PACSIN1: variants seen among roughly 807,000 people sequenced by gnomAD.
The protein encoded by PACSIN1 is protein kinase C and casein kinase substrate in neurons 1.
A neutral mutation model predicts 59.5 loss-of-function variants in PACSIN1; 15 were observed. That is an observed-to-expected ratio of 0.25 (90% CI 0.17 to 0.39). The LOEUF (loss-of-function observed/expected upper bound fraction) is 0.39, where lower values mean the gene tolerates loss of function less well. Among genes scored for constraint, PACSIN1 ranks in the 10% least tolerant of loss-of-function variants. PACSIN1 has a pLI of 1.00. For missense variants in PACSIN1, 420 were observed against 580.2 expected (o/e 0.72, Z 2.84); for synonymous variants, 210 against 220.6 (o/e 0.95, Z 0.42).
intron 1 of PACSIN1, among the ~76,000 whole-genome samples, chr6:34,522,450 T>A (rs1767410258): frequency 6.6e-6 from 1 of 152,184 alleles, no homozygotes; most frequent in South Asian, 2.1e-4. Context: ...GAGTGTGCGC[T>A]CTGGATCCAG....
intron 1 of PACSIN1, among the ~76,000 whole-genome samples, chr6:34,470,764 T>C (rs955779321): frequency 1.9e-4 from 29 of 152,096 alleles, no homozygotes; most frequent in African/African-American, 6.3e-4. Context: ...GGGTAGTCTT[T>C]CTATATAAAA....
At chr6:34,481,188 G>T (rs1309564930) in intron 1 of PACSIN1, among the ~76,000 whole-genome samples, 1 of 151,782 alleles carries the variant, frequency 6.6e-6, no homozygotes, top group Non-Finnish European at 1.5e-5. Context: ...TGGGACTACA[G>T]GCATGCATCA....
rs1199796698 is a variant in PACSIN1, at chr6:34,501,888, C to G, written c.-63-24355C>G. 4.0e-5 allele frequency among the ~76,000 whole-genome samples: 6 copies of G among 151,880 alleles called. No individual in the cohort carries two copies. The East Asian group carries it at 1.2e-3, about 29-fold the overall frequency. ...TACTAAAAATACAAAAAAAATTAGC[C>G]AGGTGTGGTGGCGCACAACTGTAAT... On this transcript the variant is annotated intron_variant, in intron 1 of 9. Transcript: ENST00000244458.
In PACSIN1 at chr6:34,472,742, T is replaced by G. The variant is rs553628770; in HGVS notation, c.-64+6472T>G. ...CTGTGGTGCCTGAAACCTGGCGGGA[T>G]GGGAAAGGGGGTAAGGTAAGGTAAC... On this transcript the variant is annotated intron_variant, in intron 1 of 9. Coordinates refer to ENST00000244458, the MANE Select transcript of PACSIN1 (RefSeq NM_020804.5). Among the ~76,000 whole-genome samples, 4 of 151,834 alleles carry G rather than the reference T, an allele frequency of 2.6e-5. No homozygotes were observed. In the South Asian group the frequency reaches 8.3e-4, roughly 32 times the overall value.
chr6:34,519,378 G>A (rs1421023932), intron 1 of PACSIN1, among the ~76,000 whole-genome samples: 1 of 152,116 alleles, frequency 6.6e-6, no homozygotes, highest in Non-Finnish European at 1.5e-5. Context: ...GCTCCCTGGG[G>A]ACTGCCTGGA....
intron 1 of PACSIN1, among the ~76,000 whole-genome samples, chr6:34,512,890 G>C (rs1767228058): frequency 6.6e-6 from 1 of 152,214 alleles, no homozygotes; most frequent in Non-Finnish European, 1.5e-5. Context: ...CTATCCACTG[G>C]CTGCCTTTGT....
At position 34,530,100 on chromosome 6, in the gene PACSIN1, A is replaced by C. The variant is rs1029147076; in HGVS notation, c.789-143A>C. ...AGTCCACCGAGCATGCCCGGAGCTT[A>C]TTCTTGCAAAGCCCACATGATTCCT... On this transcript the variant is annotated intron_variant, in intron 6 of 9. Transcript: ENST00000244458. This position sits in a 1 kb window ranked among gnomAD's most constrained non-coding sequence, Gnocchi z 4.4. The C allele has an allele frequency of 2.5e-6, 3 of 1,199,538 alleles. No individual in the cohort carries two copies. The highest frequency in any genetic ancestry group is 2.3e-6 in the Non-Finnish European group (2 of 871,776). The allele number at this position is 1,199,538 out of a possible 1,614,324, so 74.3% of individuals were successfully genotyped here. A position where few individuals can be genotyped will look rare whatever the true frequency, so the allele number is the denominator to read the frequency against.
intron 1 of PACSIN1, among the ~76,000 whole-genome samples, chr6:34,501,936 G>T (rs1387455530): frequency 6.6e-6 from 1 of 150,822 alleles, no homozygotes; most frequent in South Asian, 2.1e-4. Context: ...GGAGGCTGAG[G>T]CAGAAGAGTC....
chr6:34,529,582 G>C lies in PACSIN1; in HGVS notation c.612+30G>C. On this transcript the variant is annotated intron_variant, in intron 5 of 9. Coordinates refer to ENST00000244458, the MANE Select transcript of PACSIN1 (RefSeq NM_020804.5). The surrounding 1 kb of genome is among the most constrained non-coding windows in gnomAD (Gnocchi z 6.3). Reference sequence around the variant, plus strand: ...TGGCGGGCAGGGATGGCAGTAGGGGGTCTGGGGGCCCCTTGCAGAGGGTGG... The same window carrying C: ...TGGCGGGCAGGGATGGCAGTAGGGGCTCTGGGGGCCCCTTGCAGAGGGTGG... The C allele has an allele frequency of 6.2e-7, 1 of 1,613,444 alleles. No individual in the cohort carries two copies. The highest frequency in any genetic ancestry group is 1.1e-5 in the South Asian group (1 of 91,054).
intron 1 of PACSIN1, among the ~76,000 whole-genome samples, chr6:34,504,192 T>A (rs2127259831): frequency 6.6e-6 from 1 of 152,004 alleles, no homozygotes; most frequent in Admixed American, 6.6e-5. Flanking sequence ...ATTTATAATC[T>A]AATTGTCATC....
At chr6:34,487,004 C>CAAA (rs3042080) in intron 1 of PACSIN1, among the ~76,000 whole-genome samples, 1,398 of 133,918 alleles carry the variant, frequency 0.01, 32 homozygotes, top group East Asian at 0.091. Context: ...CCATCTCTAC[C>CAAA]AAAAAAAAAA....
chr6:34,530,635 C>A lies in PACSIN1; in HGVS notation c.1037+48C>A, dbSNP rs577951875. 52 of 1,485,598 alleles carry A rather than the reference C, an allele frequency of 3.5e-5. No individual in the cohort carries two copies. The highest frequency in any genetic ancestry group is 2.2e-4 in the Admixed American group (9 of 40,090). The allele number at this position is 1,485,598 out of a possible 1,614,324, so 92.0% of individuals were successfully genotyped here. ...CCTGGGGCCAAGAGGGACCCACACT[C>A]TGGGGCAGCTGAGTTTTGCTTCAGA... is the stretch of plus-strand genomic sequence containing the variant. On this transcript the variant is annotated intron_variant, in intron 8 of 9. Coordinates refer to ENST00000244458, the MANE Select transcript of PACSIN1 (RefSeq NM_020804.5). The surrounding 1 kb of genome is among the most constrained non-coding windows in gnomAD (Gnocchi z 4.4).
At chr6:34,482,954 T>G (rs1766741371) in intron 1 of PACSIN1, among the ~76,000 whole-genome samples, 1 of 151,230 alleles carries the variant, frequency 6.6e-6, no homozygotes, top group South Asian at 2.1e-4. Flanking sequence ...CCCAAAGTGC[T>G]GGGATTACAG....
chr6:34,494,267 T>C (rs912395028), intron 1 of PACSIN1, among the ~76,000 whole-genome samples: 2 of 152,202 alleles, frequency 1.3e-5, no homozygotes, highest in African/African-American at 2.4e-5. Flanking sequence ...TGTTTCATGG[T>C]ATGCCCCTAC....
At chr6:34,491,928 T>C (rs1395585098) in intron 1 of PACSIN1, among the ~76,000 whole-genome samples, 2 of 152,146 alleles carry the variant, frequency 1.3e-5, no homozygotes, top group African/African-American at 4.8e-5. Flanking sequence ...TTTTCTTTAA[T>C]CCACCACATT....
Position 34,531,233 on chromosome 6 carries a change from T to TTC in PACSIN1, c.1038-366_1038-365insCT, listed in dbSNP as rs549202593. On this transcript the variant is annotated intron_variant, in intron 8 of 9. Coordinates refer to ENST00000244458, the MANE Select transcript of PACSIN1 (RefSeq NM_020804.5). The surrounding 1 kb of genome is among the most constrained non-coding windows in gnomAD (Gnocchi z 4.4). ...ATGGAGAAACTGAAACCCAGACAGG[T>TTC]TAAGTGACTTGCCCAAGATCACATT... Among the ~76,000 whole-genome samples, 142 of 152,278 alleles carry TTC rather than the reference T, an allele frequency of 9.3e-4. No homozygotes were observed. The highest frequency in any genetic ancestry group is 3.2e-3 in the African/African-American group (135 of 41,548).
At chr6:34,487,719 C>T (rs535480837) in intron 1 of PACSIN1, among the ~76,000 whole-genome samples, 21 of 152,260 alleles carry the variant, frequency 1.4e-4, no homozygotes, top group East Asian at 9.7e-4. Context: ...AGTCACTGGA[C>T]GCAGGCTGTC....
At chr6:34,505,616 T>A (rs1488590832) in intron 1 of PACSIN1, among the ~76,000 whole-genome samples, 1 of 144,280 alleles carries the variant, frequency 6.9e-6, no homozygotes, top group East Asian at 2.0e-4. Context: ...CTTTTTTTTA[T>A]CTCTTACCTC....
intron 1 of PACSIN1, among the ~76,000 whole-genome samples, chr6:34,479,058 A>T (rs6457778): frequency 1.6e-4 from 24 of 152,140 alleles, no homozygotes; most frequent in African/African-American, 5.8e-4. Context: ...TTCCCACAGC[A>T]CTCCAGCAAG....
Sources: allele counts gnomAD v4.1 joint callset (sites outside exome capture counted in the v4.1 genomes callset), GRCh38; gene constraint gnomAD v4.1.1; non-coding constraint Gnocchi (gnomAD v3.1); transcripts MANE v1.5; gene names NCBI Gene and HGNC (gene_info 2026-07-23, HGNC 2026-07-21).